The following PTPRD variants were observed in gnomAD, a reference collection of about 807,000 sequenced individuals.
PTPRD encodes receptor-type tyrosine-protein phosphatase delta.
A neutral mutation model predicts 214.5 loss-of-function variants in PTPRD; 34 were observed. That is an observed-to-expected ratio of 0.16 (90% CI 0.12 to 0.21). The LOEUF (loss-of-function observed/expected upper bound fraction) is 0.21, where lower values mean the gene tolerates loss of function less well. Among genes scored for constraint, PTPRD ranks in the 10% least tolerant of loss-of-function variants. PTPRD has a pLI of 1.00. For synonymous variants in PTPRD, 1,128 were observed against 845.7 expected (o/e 1.33, Z -5.79); for missense variants, 2,545 against 2,398.7 (o/e 1.06, Z -1.27).
chr9:10,333,805 T>A (rs1310990916), intron 3 of PTPRD, among the ~76,000 whole-genome samples: 1 of 151,814 alleles, frequency 6.6e-6, no homozygotes, highest in Non-Finnish European at 1.5e-5. Flanking sequence ...TCTACCTAGG[T>A]CTCTAGGATT....
intron 9 of PTPRD, among the ~76,000 whole-genome samples, chr9:9,392,990 G>A (rs888910458): frequency 6.6e-6 from 1 of 152,132 alleles, no homozygotes; most frequent in Non-Finnish European, 1.5e-5. Flanking sequence ...CAGAGGGGAG[G>A]AGCCTGGTCT....
rs187661566 is a variant in PTPRD, at chr9:9,946,455, A to T, written c.-471-7845T>A. Among the ~76,000 whole-genome samples, 1,017 of 152,266 alleles carry T rather than the reference A, an allele frequency of 6.7e-3. 6 individuals are homozygous for T. Among genetic ancestry groups the T allele is most frequent in the Middle Eastern group, 0.014 (4 of 292 alleles). On this transcript the variant is annotated intron_variant, in intron 4 of 45. Coordinates refer to ENST00000381196, the MANE Select transcript of PTPRD (RefSeq NM_002839.4). ...AATTAAAAAATAAACTCCCTCTTCA[A>T]AGTAGCTGCAAAATAAACTTACAGA...
rs545731468 is a variant in PTPRD at position 10,213,454 on chromosome 9, G to C, written c.-545+127509C>G. Among the ~76,000 whole-genome samples, 11 of 152,160 alleles carry C rather than the reference G, an allele frequency of 7.2e-5. No homozygotes were observed. In the East Asian group the frequency reaches 2.1e-3, roughly 30 times the overall value. On this transcript the variant is annotated intron_variant, in intron 3 of 45. Coordinates refer to ENST00000381196, the MANE Select transcript of PTPRD (RefSeq NM_002839.4). ...TGTTCTGTCTTTCACTATCTGTCAGGTGGATGCAGAGGACTTCAGGTCCTA... is the reference window on the plus strand; with the variant it reads ...TGTTCTGTCTTTCACTATCTGTCAGCTGGATGCAGAGGACTTCAGGTCCTA...
chr9:9,309,262 C>T (rs1234361177), intron 9 of PTPRD, among the ~76,000 whole-genome samples: 1 of 150,730 alleles, frequency 6.6e-6, no homozygotes, highest in African/African-American at 2.4e-5. Context: ...ATCTCAAACT[C>T]AGCACAAATA....
chr9:9,893,045 G>A (rs1485377223), intron 5 of PTPRD, among the ~76,000 whole-genome samples: 1 of 152,048 alleles, frequency 6.6e-6, no homozygotes, highest in Non-Finnish European at 1.5e-5. Context: ...TAGATATGCT[G>A]AGTAGGCAGT....
chr9:9,891,120 A>G (rs1601126218), intron 5 of PTPRD, among the ~76,000 whole-genome samples: 1 of 152,092 alleles, frequency 6.6e-6, no homozygotes, highest in South Asian at 2.1e-4. Flanking sequence ...TATGGCTAGG[A>G]AAAAGGGAAA....
chr9:8,962,467 T>C (rs970019118), intron 11 of PTPRD, among the ~76,000 whole-genome samples: 3 of 151,938 alleles, frequency 2.0e-5, no homozygotes, highest in African/African-American at 7.3e-5. Flanking sequence ...TTGGCAGTCA[T>C]CTTCCCTACC....
intron 9 of PTPRD, among the ~76,000 whole-genome samples, chr9:9,384,464 G>A (rs1243929362): frequency 2.1e-5 from 3 of 141,168 alleles, no homozygotes; most frequent in Non-Finnish European, 4.6e-5. Context: ...CTAATCACCT[G>A]GTATGTTGAG....
At chr9:9,114,364 C>A (rs1449058263) in intron 10 of PTPRD, among the ~76,000 whole-genome samples, 3 of 152,100 alleles carry the variant, frequency 2.0e-5, no homozygotes, top group African/African-American at 7.2e-5. Context: ...TTTTTAGAGG[C>A]CTTAGCCTAG....
At chr9:9,433,910 T>A (rs1228200394) in intron 8 of PTPRD, among the ~76,000 whole-genome samples, 1 of 152,168 alleles carries the variant, frequency 6.6e-6, no homozygotes, top group Non-Finnish European at 1.5e-5. Flanking sequence ...GGCTGAGGGT[T>A]TGGCCACTTT....
chr9:9,838,181 G>T (rs1239528888), intron 5 of PTPRD, among the ~76,000 whole-genome samples: 1 of 149,596 alleles, frequency 6.7e-6, no homozygotes, highest in East Asian at 1.9e-4. Flanking sequence ...TTGGACATTT[G>T]GGTTGGTTCC....
At chr9:9,923,935 G>A (rs781625553) in intron 5 of PTPRD, among the ~76,000 whole-genome samples, 6 of 152,010 alleles carry the variant, frequency 3.9e-5, no homozygotes, top group African/African-American at 7.2e-5. Flanking sequence ...GGAGCAGAAG[G>A]ATGAAAGGCT....
intron 2 of PTPRD, among the ~76,000 whole-genome samples, chr9:10,358,010 G>T (rs925047529): frequency 6.6e-6 from 1 of 152,082 alleles, no homozygotes; most frequent in African/African-American, 2.4e-5. Context: ...ATAGTCAAAA[G>T]CACTAACTAC....
chr9:9,645,154 G>C (rs753205049), intron 7 of PTPRD, among the ~76,000 whole-genome samples: 1 of 152,166 alleles, frequency 6.6e-6, no homozygotes, highest in African/African-American at 2.4e-5. Flanking sequence ...GCTCACCTGC[G>C]TGCTTGCCCT....
chr9:10,607,130 C>T (rs923876483), intron 2 of PTPRD, among the ~76,000 whole-genome samples: 1 of 151,690 alleles, frequency 6.6e-6, no homozygotes, highest in African/African-American at 2.4e-5. Context: ...TTATTCTCTT[C>T]CTTTTTAGCA....
intron 10 of PTPRD, among the ~76,000 whole-genome samples, chr9:9,182,526 C>T (rs570850432): frequency 1.0e-3 from 157 of 152,050 alleles, no homozygotes; most frequent in African/African-American, 3.6e-3. Context: ...AACAAGCCAA[C>T]AGATCAAATA....
intron 9 of PTPRD, among the ~76,000 whole-genome samples, chr9:9,233,281 C>A (rs1331594387): frequency 6.6e-6 from 1 of 152,096 alleles, no homozygotes; most frequent in Non-Finnish European, 1.5e-5. Context: ...TCTTACCAAA[C>A]CATCAGATTT....
At chr9:8,529,582 T>A (rs2075144571) in intron 14 of PTPRD, among the ~76,000 whole-genome samples, 2 of 152,118 alleles carry the variant, frequency 1.3e-5, no homozygotes, top group South Asian at 4.1e-4. Context: ...AAATTCACTT[T>A]TTGCTACCCA....
At chr9:8,340,951 A>C (rs1851896286) in intron 41 of PTPRD, 139 bp downstream of exon 41, 6 of 862,524 alleles carry the variant, frequency 7.0e-6, no homozygotes, top group Non-Finnish European at 1.0e-5. Flanking sequence ...ATAACAAAAA[A>C]ACAAATACCA....
Sources: gnomAD v4.1 joint callset for allele counts (sites outside exome capture counted in the v4.1 genomes callset) on GRCh38, gnomAD v4.1.1 for gene constraint, MANE v1.5 for transcripts, NCBI Gene and HGNC (gene_info 2026-07-23, HGNC 2026-07-21) for gene names.